The following GPLD1 variants were observed in gnomAD, a reference collection of about 807,000 sequenced individuals.
GPLD1 encodes phosphatidylinositol-glycan-specific phospholipase D.
In GPLD1, 84 loss-of-function variants were observed where a neutral mutation model predicts 112.6. That is an observed-to-expected ratio of 0.75 (90% CI 0.63 to 0.89). The LOEUF is 0.89. GPLD1 is among the 40% of genes least tolerant of loss of function. The pLI, the probability that GPLD1 is intolerant of heterozygous loss-of-function variation, is 0.00. For synonymous variants in GPLD1, 386 were observed against 403.8 expected (o/e 0.96, Z 0.53); for missense variants, 1,044 against 1,051.5 (o/e 0.99, Z 0.10).
intron 3 of GPLD1, 118 bp from the exon 4 acceptor site, chr6:24,476,396 TCA>T: frequency 1.6e-6 from 1 of 607,970 alleles, no homozygotes; most frequent in East Asian, 2.8e-5. Flanking sequence ...TCCATGCCCC[TCA>T]GTTTCTTCTG....
chr6:24,449,707 G>T, intron 15 of GPLD1, 82 bp downstream of exon 15: 3 of 867,128 alleles, frequency 3.5e-6, no homozygotes, highest in Non-Finnish European at 5.6e-6. Flanking sequence ...TTGCTCCAGG[G>T]GCTCATCCCA....
At chr6:24,474,174 TACACACACACACAC>T (rs56324939) in intron 5 of GPLD1, among the ~76,000 whole-genome samples, 17 of 145,642 alleles carry the variant, frequency 1.2e-4, no homozygotes, top group Admixed American at 9.5e-4. Flanking sequence ...CACACCCACA[TACACACACACACAC>T]ACACACACAC....
At chr6:24,438,466 G>A (rs1762647115) in intron 20 of GPLD1, among the ~76,000 whole-genome samples, 2 of 152,226 alleles carry the variant, frequency 1.3e-5, no homozygotes, top group Admixed American at 1.3e-4. Flanking sequence ...CGTCCACTGA[G>A]TTTTGTGTGT....
chr6:24,462,181 GGAGTGTACTGGCCTGATCTCAGCTCACT>G (rs1461640380), intron 11 of GPLD1, among the ~76,000 whole-genome samples: 2 of 152,014 alleles, frequency 1.3e-5, no homozygotes, highest in Admixed American at 1.3e-4. Flanking sequence ...TGCCTAGACT[GGAGTGTACTGGCCTGATCTCAGCTCACT>G]GCAGCCTCGA....
At position 24,436,704 on chromosome 6, in the gene GPLD1, C is replaced by CTA. The variant is rs764437272; in HGVS notation, c.2228_2229dup (p.Ala744Ter). Reference sequence around the variant, plus strand: ...CCAATCAGTCCAGAGGTTACATCTGCTATCCTCAGGGGGGCTGCCATGATG... The same window carrying CTA: ...CCAATCAGTCCAGAGGTTACATCTGCTATATCCTCAGGGGGGCTGCCATGATG... On this transcript the variant is annotated frameshift_variant, in exon 22 of 25. Transcript: ENST00000230036. LOFTEE classifies it high-confidence loss of function. 1 of 1,614,052 alleles carries CTA rather than the reference C, an allele frequency of 6.2e-7. No individual in the cohort carries two copies. The highest frequency in any genetic ancestry group is 8.5e-7 in the Non-Finnish European group (1 of 1,179,982).
At chr6:24,484,346 G>C (rs1764303469) in intron 2 of GPLD1, among the ~76,000 whole-genome samples, 1 of 152,106 alleles carries the variant, frequency 6.6e-6, no homozygotes, top group African/African-American at 2.4e-5. Context: ...AAGTAGCTAG[G>C]ACTAGACTAT....
In GPLD1 at chr6:24,450,174, G is replaced by A. The variant is rs531620017; in HGVS notation, c.1336-275C>T. ...TTCTAGATTTGTAGAAAATAGCCTC[G>A]TGTATGTTCAGACCCACATTAAGCA... On this transcript the variant is annotated intron_variant, in intron 14 of 24. Transcript: ENST00000230036. Among the ~76,000 whole-genome samples, 16 of 152,316 alleles carry A rather than the reference G, an allele frequency of 1.1e-4. No homozygotes were observed. The South Asian group carries it at 1.7e-3, about 16-fold the overall frequency.
intron 17 of GPLD1, among the ~76,000 whole-genome samples, chr6:24,447,336 T>C (rs1215144206): frequency 1.7e-5 from 2 of 115,944 alleles, no homozygotes; most frequent in Non-Finnish European, 4.1e-5. Context: ...TGAAACCCCG[T>C]CTCTACTAAA....
chr6:24,477,370 A>G (rs774487103), intron 3 of GPLD1, among the ~76,000 whole-genome samples: 5 of 151,014 alleles, frequency 3.3e-5, no homozygotes, highest in African/African-American at 1.2e-4. Flanking sequence ...TTTAAACCAG[A>G]TGTCCTTGTT....
At chr6:24,445,927 C>G (rs1247961056) in intron 18 of GPLD1, 96 bp from the exon 19 acceptor site, 4 of 817,696 alleles carry the variant, frequency 4.9e-6, no homozygotes, top group Admixed American at 1.9e-5. Context: ...CTCCCCCCAT[C>G]CAGGCCTCCC....
intron 20 of GPLD1, among the ~76,000 whole-genome samples, chr6:24,440,543 T>G (rs1208875129): frequency 1.3e-5 from 2 of 151,030 alleles, no homozygotes; most frequent in African/African-American, 4.9e-5. Context: ...CAAGAAGATC[T>G]TTTATATTTG....
chr6:24,445,954 G>A, intron 18 of GPLD1, 123 bp from the exon 19 acceptor site: 1 of 704,010 alleles, frequency 1.4e-6, no homozygotes, highest in South Asian at 1.6e-5. Flanking sequence ...CTCTGTCTCT[G>A]CGACCCCAGG....
chr6:24,476,203 T>C lies in GPLD1; in HGVS notation c.308A>G (p.Asn103Ser), dbSNP rs61754637. The change falls in exon 4 of 25, where the codon AAC (asparagine) becomes AGC (serine). Residue 103 changes from asparagine to serine, a missense_variant. Physicochemically the swap from Asn to Ser is conservative, Grantham distance 46. Coordinates refer to ENST00000230036, the MANE Select transcript of GPLD1 (RefSeq NM_001503.4). The stretch of plus-strand genomic sequence containing the variant: ...TACCTTCTCCCAGGGAAGGGGATAG[T>C]TCTCTCGGATATAATGAACGCTTGC... ...LNASVHYIRE[N>S]YPLPWEKDTE... The C allele has an allele frequency of 2.0e-3, 3,112 of 1,561,200 alleles. 4 individuals carry two copies. Among genetic ancestry groups the C allele is most frequent in the Non-Finnish European group, 2.6e-3 (2,928 of 1,144,020 alleles).
chr6:24,479,964 A>T lies in GPLD1; in HGVS notation c.154-5T>A. ...ATCCTGGTGTTCTAGTAACAGCTGC[A>T]GAGCAAGAAAATACAGAGATTAAGG... is the stretch of plus-strand genomic sequence containing the variant. On this transcript the variant is annotated splice_region_variant and splice_polypyrimidine_tract_variant and intron_variant, in intron 2 of 24. Transcript: ENST00000230036. 5 of 1,590,318 alleles carry T rather than the reference A, an allele frequency of 3.1e-6. No individual in the cohort carries two copies. The highest frequency in any genetic ancestry group is 4.3e-6 in the Non-Finnish European group (5 of 1,158,460).
chr6:24,482,923 T>C (rs1483777230), intron 2 of GPLD1, among the ~76,000 whole-genome samples: 1 of 152,036 alleles, frequency 6.6e-6, no homozygotes. Flanking sequence ...CCAGCCTGGG[T>C]GACACAGTGA....
At chr6:24,483,835 C>T (rs1044473321) in intron 2 of GPLD1, among the ~76,000 whole-genome samples, 2 of 151,636 alleles carry the variant, frequency 1.3e-5, no homozygotes, top group Non-Finnish European at 2.9e-5. Flanking sequence ...CCTCTGCTTC[C>T]GGGGTTCAAG....
At position 24,456,635 on chromosome 6, in the gene GPLD1, A is replaced by G. The variant is rs767013048; in HGVS notation, c.1011T>C (p.Asp337=). The G allele has an allele frequency of 6.3e-7, 1 of 1,591,140 alleles. No individual in the cohort carries two copies. Among genetic ancestry groups the G allele is most frequent in the South Asian group, 1.1e-5 (1 of 88,370 alleles). Reference sequence around the variant, plus strand: ...AAGCCTTGTAGATAAAGGACATGGAATCCTGAAATAAAAGAATCATTATAG... The same window carrying G: ...AAGCCTTGTAGATAAAGGACATGGAGTCCTGAAATAAAAGAATCATTATAG... ...VFFSVNSWTP[D]SMSFIYKALE... is the part of the protein sequence containing the mutation. The change falls in exon 13 of 25, where the codon GAT becomes GAC. Residue 337 remains aspartate (D), a splice_region_variant and synonymous_variant. Transcript: ENST00000230036.
intron 10 of GPLD1, among the ~76,000 whole-genome samples, chr6:24,464,948 T>C (rs551883790): frequency 3.9e-4 from 60 of 152,216 alleles, no homozygotes; most frequent in African/African-American, 1.4e-3. Context: ...ATCTCAGCAC[T>C]TTGGGAGACA....
At chr6:24,455,177 C>T (rs2127344032) in intron 13 of GPLD1, among the ~76,000 whole-genome samples, 1 of 152,376 alleles carries the variant, frequency 6.6e-6, no homozygotes, top group South Asian at 2.1e-4. Flanking sequence ...GGACCCATTG[C>T]TGTTCTCTGC....
Sources: allele counts gnomAD v4.1 joint callset (sites outside exome capture counted in the v4.1 genomes callset), GRCh38; gene constraint gnomAD v4.1.1; transcripts MANE v1.5; gene names NCBI Gene and HGNC (gene_info 2026-07-23, HGNC 2026-07-21).